Variants in NCAM2 observed in about 807,000 individuals in gnomAD.
NCAM2 encodes neural cell adhesion molecule 2, also known as N-CAM-2.
A neutral mutation model predicts 98.1 loss-of-function variants in NCAM2; 30 were observed. The observed-to-expected ratio is 0.31, with a 90% CI of 0.23 to 0.41. The LOEUF (loss-of-function observed/expected upper bound fraction) is 0.41, where lower values mean the gene tolerates loss of function less well. Among genes scored for constraint, NCAM2 ranks in the 10% least tolerant of loss-of-function variants. The pLI is 1.00. For missense variants in NCAM2, 867 were observed against 1,005.8 expected (o/e 0.86, Z 1.87); for synonymous variants, 368 against 342.4 (o/e 1.07, Z -0.83).
intron 1 of NCAM2, among the ~76,000 whole-genome samples, chr21:21,264,742 G>GTA (rs544211636): frequency 1.6e-5 from 2 of 128,980 alleles, no homozygotes; most frequent in South Asian, 2.5e-4. Flanking sequence ...GCATAAGTGT[G>GTA]TATATATATA....
At chr21:21,332,928 A>C (rs1364892050) in intron 6 of NCAM2, among the ~76,000 whole-genome samples, 1 of 152,212 alleles carries the variant, frequency 6.6e-6, no homozygotes, top group East Asian at 1.9e-4. Flanking sequence ...ATGTTAATAC[A>C]ATATTGTTCA....
intron 1 of NCAM2, among the ~76,000 whole-genome samples, chr21:21,019,077 G>T (rs2064376418): frequency 6.6e-6 from 1 of 152,178 alleles, no homozygotes; most frequent in Non-Finnish European, 1.5e-5. Context: ...ACTGCTTAGT[G>T]CTGGGGTGAA....
At chr21:21,408,944 A>ATCT (rs766604255) in intron 9 of NCAM2, among the ~76,000 whole-genome samples, 16,964 of 150,112 alleles carry the variant, frequency 0.11, 1,251 homozygotes, top group Middle Eastern at 0.21. Flanking sequence ...TTATATAATT[A>ATCT]GTAGATATAA....
In NCAM2 at chr21:21,427,304, A is replaced by G. The variant is rs113593269; in HGVS notation, c.1481-4804A>G. Among the ~76,000 whole-genome samples, 1,266 of 152,340 alleles carry G rather than the reference A, an allele frequency of 8.3e-3. 16 individuals carry two copies. The highest frequency in any genetic ancestry group is 0.029 in the African/African-American group (1,213 of 41,588). ...AATTCCAAAGAAGAAGAAACAGGAAAAGAGCTATCTGATAAAGAAAAATTT... is the reference window on the plus strand; with the variant it reads ...AATTCCAAAGAAGAAGAAACAGGAAGAGAGCTATCTGATAAAGAAAAATTT... On this transcript the variant is annotated intron_variant, in intron 11 of 17. Coordinates refer to ENST00000400546, the MANE Select transcript of NCAM2 (RefSeq NM_004540.5).
At chr21:21,144,958 G>A (rs149500851) in intron 1 of NCAM2, among the ~76,000 whole-genome samples, 8 of 152,044 alleles carry the variant, frequency 5.3e-5, no homozygotes, top group East Asian at 1.9e-4. Context: ...AATATAGGAC[G>A]CTGAAAGAAA....
chr21:21,065,744 T>G (rs189917340), intron 1 of NCAM2, among the ~76,000 whole-genome samples: 2 of 152,310 alleles, frequency 1.3e-5, no homozygotes, highest in Admixed American at 1.3e-4. Context: ...TGCTTCGTTA[T>G]TTTGATGGGA....
intron 5 of NCAM2, among the ~76,000 whole-genome samples, chr21:21,299,512 T>C (rs1044606125): frequency 2.0e-5 from 3 of 152,022 alleles, no homozygotes; most frequent in Admixed American, 1.3e-4. Flanking sequence ...TATGCAGATA[T>C]GCTTAATTTC....
chr21:21,542,868 TTTAG>T lies in NCAM2; in HGVS notation c.*4912_*4915del, dbSNP rs1309571683. The stretch of plus-strand genomic sequence containing the variant: ...ATGATTTAATTTTGCAAATAGTTTT[TTTAG>T]AGAACAACATGCATACTATAAAAGA... On this transcript the variant is annotated 3_prime_UTR_variant, in exon 18 of 18. Transcript: ENST00000400546. 1.3e-5 allele frequency: 2 copies of T among 151,920 alleles called. No individual in the cohort carries two copies. The highest frequency in any genetic ancestry group is 2.9e-5 in the Non-Finnish European group (2 of 67,888). 9.4% of individuals were successfully genotyped at this position (151,920 alleles called of 1,614,324 possible).
chr21:21,161,090 CA>C, intron 1 of NCAM2, among the ~76,000 whole-genome samples: 1 of 151,766 alleles, frequency 6.6e-6, no homozygotes, highest in African/African-American at 2.4e-5. Context: ...ACCTCTGCTA[CA>C]AAATGAAGGA....
At chr21:21,266,734 G>A (rs1342712444) in intron 1 of NCAM2, among the ~76,000 whole-genome samples, 3 of 151,924 alleles carry the variant, frequency 2.0e-5, no homozygotes, top group Non-Finnish European at 4.4e-5. Context: ...GGTGGGTGGA[G>A]GGGGGAGGGA....
intron 8 of NCAM2, among the ~76,000 whole-genome samples, chr21:21,341,989 G>A (rs2075054773): frequency 1.3e-5 from 2 of 152,204 alleles, no homozygotes; most frequent in African/African-American, 2.4e-5. Flanking sequence ...GTTAGGAAGT[G>A]TATTTAATTT....
chr21:21,351,214 T>G (rs2147941624), intron 8 of NCAM2, among the ~76,000 whole-genome samples: 1 of 152,026 alleles, frequency 6.6e-6, no homozygotes. Flanking sequence ...TGTCACTAAC[T>G]TTTAATTATT....
intron 1 of NCAM2, among the ~76,000 whole-genome samples, chr21:21,010,815 T>C (rs78498914): frequency 0.012 from 1,800 of 152,176 alleles, 24 homozygotes; most frequent in African/African-American, 0.041. Flanking sequence ...CATTACTAAT[T>C]AGAACTCCGA....
chr21:21,196,638 A>G (rs1224688387), intron 1 of NCAM2, among the ~76,000 whole-genome samples: 1 of 152,234 alleles, frequency 6.6e-6, no homozygotes, highest in African/African-American at 2.4e-5. Flanking sequence ...AGTGACTTCA[A>G]GTATCAAGTA....
intron 1 of NCAM2, among the ~76,000 whole-genome samples, chr21:21,206,458 A>T (rs1016241286): frequency 1.3e-5 from 2 of 152,156 alleles, no homozygotes; most frequent in African/African-American, 4.8e-5. Context: ...ATAATCCATG[A>T]TGCTGCTATG....
chr21:21,065,199 AAAC>A (rs2065409792), intron 1 of NCAM2, among the ~76,000 whole-genome samples: 2 of 152,176 alleles, frequency 1.3e-5, no homozygotes, highest in South Asian at 2.1e-4. Flanking sequence ...AAAAAACAAA[AAAC>A]AAAAAAACAA....
intron 1 of NCAM2, among the ~76,000 whole-genome samples, chr21:21,137,945 T>A (rs1601471105): frequency 6.6e-6 from 1 of 152,212 alleles, no homozygotes; most frequent in African/African-American, 2.4e-5. Context: ...ACTGGATTTG[T>A]GTTGATGGAC....
chr21:21,458,883 A>G (rs866079743), intron 12 of NCAM2, among the ~76,000 whole-genome samples: 2 of 152,336 alleles, frequency 1.3e-5, no homozygotes, highest in East Asian at 1.9e-4. Flanking sequence ...CGCACATAAA[A>G]GGAAACAACC....
chr21:21,080,809 G>A (rs983942234), intron 1 of NCAM2, among the ~76,000 whole-genome samples: 2 of 151,958 alleles, frequency 1.3e-5, no homozygotes, highest in Non-Finnish European at 2.9e-5. Flanking sequence ...GATTCATACT[G>A]TCTTCAGCAA....
Sources: gnomAD v4.1 joint callset for allele counts (sites outside exome capture counted in the v4.1 genomes callset) on GRCh38, gnomAD v4.1.1 for gene constraint, MANE v1.5 for transcripts, NCBI Gene and HGNC (gene_info 2026-07-23, HGNC 2026-07-21) for gene names.